The following SUSD6 variants were observed in gnomAD, a reference collection of about 807,000 sequenced individuals.
The protein encoded by SUSD6 is sushi domain-containing protein 6.
Under a neutral mutation model 28.4 loss-of-function variants are expected in SUSD6, and 16 were observed. The ratio of observed to expected loss-of-function variants is 0.56; its 90% CI spans 0.38 to 0.86. The LOEUF (loss-of-function observed/expected upper bound fraction) is 0.86. Among genes scored for constraint, SUSD6 ranks in the 40% least tolerant of loss-of-function variants. SUSD6 has a pLI of 0.00. For synonymous variants in SUSD6, 147 were observed against 159.6 expected (o/e 0.92, Z 0.59); for missense variants, 341 against 384.2 (o/e 0.89, Z 0.94).
At chr14:69,708,605 T>G in intron 4 of SUSD6, 72 bp from the exon 5 acceptor site, 1 of 1,262,472 alleles carries the variant, frequency 7.9e-7, no homozygotes, top group Non-Finnish European at 1.1e-6. Context: ...GCGGCTGCTA[T>G]TATTATTATC....
At chr14:69,703,722 C>T in intron 3 of SUSD6, 130 bp downstream of exon 3, 1 of 782,280 alleles carries the variant, frequency 1.3e-6, no homozygotes, top group East Asian at 2.6e-5. Context: ...TGCTCTGCAG[C>T]CTCCCTTCCT....
chr14:69,680,031 T>C (rs1003460095), intron 2 of SUSD6, among the ~76,000 whole-genome samples: 6 of 152,218 alleles, frequency 3.9e-5, no homozygotes, highest in African/African-American at 7.2e-5. Context: ...AGCCACCTTC[T>C]TCAGATCCCT....
intron 2 of SUSD6, among the ~76,000 whole-genome samples, chr14:69,669,701 A>G (rs1361158675): frequency 1.4e-5 from 2 of 143,154 alleles, no homozygotes; most frequent in African/African-American, 2.7e-5. Context: ...TTCCTCCCAT[A>G]CTTCTCTTTA....
chr14:69,681,384 A>C (rs1885995333), intron 2 of SUSD6, among the ~76,000 whole-genome samples: 1 of 152,298 alleles, frequency 6.6e-6, no homozygotes. Flanking sequence ...AACTTTATAA[A>C]CCCTGGACAT....
At chr14:69,696,012 T>G (rs891995066) in intron 2 of SUSD6, among the ~76,000 whole-genome samples, 3 of 152,236 alleles carry the variant, frequency 2.0e-5, no homozygotes, top group Admixed American at 6.5e-5. Context: ...TCATACTGGG[T>G]ATAACTCTTT....
At chr14:69,673,054 A>G (rs1465688571) in intron 2 of SUSD6, among the ~76,000 whole-genome samples, 1 of 152,164 alleles carries the variant, frequency 6.6e-6, no homozygotes, top group Admixed American at 6.5e-5. Context: ...CAGGAGGAGG[A>G]TATACTGAGT....
intron 3 of SUSD6, among the ~76,000 whole-genome samples, 194 bp from the exon 4 acceptor site, chr14:69,704,410 T>C (rs1886357175): frequency 6.6e-6 from 1 of 152,162 alleles, no homozygotes; most frequent in African/African-American, 2.4e-5. Flanking sequence ...GGAAACAGGA[T>C]AGGGAAATGG....
At chr14:69,645,265 G>T (rs1885410296) in intron 1 of SUSD6, among the ~76,000 whole-genome samples, 1 of 152,170 alleles carries the variant, frequency 6.6e-6, no homozygotes, top group African/African-American at 2.4e-5. Flanking sequence ...AAATACTCAG[G>T]TTAGTTTCTG....
At chr14:69,697,148 A>G (rs566743104) in intron 2 of SUSD6, among the ~76,000 whole-genome samples, 2 of 152,178 alleles carry the variant, frequency 1.3e-5, no homozygotes, top group Non-Finnish European at 2.9e-5. Flanking sequence ...TGTCATGGCT[A>G]TGGTGGGGGA....
At chr14:69,612,996 G>C (rs1884904062) in intron 1 of SUSD6, among the ~76,000 whole-genome samples, 1 of 152,210 alleles carries the variant, frequency 6.6e-6, no homozygotes, top group African/African-American at 2.4e-5. Context: ...GGCTAGTAGA[G>C]ACATGTGCTT....
At chr14:69,645,776 A>C (rs1174317256) in intron 1 of SUSD6, among the ~76,000 whole-genome samples, 1 of 147,470 alleles carries the variant, frequency 6.8e-6, no homozygotes, top group Non-Finnish European at 1.5e-5. Context: ...TTGAGACAGC[A>C]TCTCGCTCTG....
intron 4 of SUSD6, among the ~76,000 whole-genome samples, chr14:69,706,699 G>T (rs1886392088): frequency 6.6e-6 from 1 of 151,990 alleles, no homozygotes; most frequent in South Asian, 2.1e-4. Flanking sequence ...GTCTCAAGCA[G>T]TCTGCCCACC....
At chr14:69,694,054 C>T (rs1168818821) in intron 2 of SUSD6, among the ~76,000 whole-genome samples, 2 of 151,704 alleles carry the variant, frequency 1.3e-5, no homozygotes, top group Non-Finnish European at 2.9e-5. Flanking sequence ...TTCTACTAAG[C>T]ATCTACTATC....
At chr14:69,644,768 T>C in intron 1 of SUSD6, among the ~76,000 whole-genome samples, 1 of 152,208 alleles carries the variant, frequency 6.6e-6, no homozygotes, top group East Asian at 1.9e-4. Flanking sequence ...GGAATCTCTA[T>C]TTGGACGTTT....
chr14:69,613,630 T>C (rs1162898710), intron 1 of SUSD6, among the ~76,000 whole-genome samples: 1 of 152,238 alleles, frequency 6.6e-6, no homozygotes, highest in Non-Finnish European at 1.5e-5. Context: ...CTCACAGCCT[T>C]TAAGTCCATT....
rs542903078 is a variant in SUSD6, at chr14:69,656,405, CT to C, written c.-80-2107del. Among the ~76,000 whole-genome samples, 652 of 152,326 alleles carry C rather than the reference CT, an allele frequency of 4.3e-3. 3 individuals carry two copies. Among genetic ancestry groups the C allele is most frequent in the Non-Finnish European group, 7.4e-3 (502 of 68,030 alleles). On this transcript the variant is annotated intron_variant, in intron 1 of 5. Transcript: ENST00000342745. Reference sequence around the variant, plus strand: ...GGTTATTGCCTTGAGGGGATGACAACTGCCCGGTAGGGTTACCTGGTGTGAC... The same window carrying C: ...GGTTATTGCCTTGAGGGGATGACAACGCCCGGTAGGGTTACCTGGTGTGAC...
chr14:69,628,574 G>A (rs1388862763), intron 1 of SUSD6, among the ~76,000 whole-genome samples: 1 of 152,208 alleles, frequency 6.6e-6, no homozygotes, highest in Non-Finnish European at 1.5e-5. Context: ...TGTGCCCTGT[G>A]CCAGGCAGTG....
intron 1 of SUSD6, among the ~76,000 whole-genome samples, chr14:69,622,718 C>T (rs1334883207): frequency 2.6e-5 from 4 of 152,048 alleles, no homozygotes; most frequent in Non-Finnish European, 4.4e-5. Context: ...CTCAGCCTCC[C>T]GAGTAGCTGG....
rs139591486 is a variant in SUSD6, at chr14:69,642,590, T to C, written c.-80-15923T>C. ...AACCCATCAGATCTTGTGAGACTTA[T>C]TCACTATCATGAGAATAGCATGGGA... On this transcript the variant is annotated intron_variant, in intron 1 of 5. Coordinates refer to ENST00000342745, the MANE Select transcript of SUSD6 (RefSeq NM_014734.4). 5.2e-3 allele frequency among the ~76,000 whole-genome samples: 796 copies of C among 152,198 alleles called. 1 individual carries two copies. The highest frequency in any genetic ancestry group is 7.8e-3 in the Non-Finnish European group (530 of 67,986).
Sources: gnomAD v4.1 joint callset for allele counts (sites outside exome capture counted in the v4.1 genomes callset) on GRCh38, gnomAD v4.1.1 for gene constraint, MANE v1.5 for transcripts, NCBI Gene and HGNC (gene_info 2026-07-23, HGNC 2026-07-21) for gene names.